The following CDK5RAP2 variants were observed in gnomAD, a reference collection of about 807,000 sequenced individuals.
CDK5RAP2 encodes CDK5 regulatory subunit-associated protein 2.
A neutral mutation model predicts 232.9 loss-of-function variants in CDK5RAP2; 147 were observed. That is an observed-to-expected ratio of 0.63 (90% CI 0.55 to 0.72). The LOEUF (loss-of-function observed/expected upper bound fraction) is 0.72. Among genes scored for constraint, CDK5RAP2 ranks in the 30% least tolerant of loss-of-function variants. The pLI is 0.00. For missense variants in CDK5RAP2, 2,195 were observed against 2,231.5 expected (o/e 0.98, Z 0.33); for synonymous variants, 833 against 833.7 (o/e 1.00, Z 0.01).
At chr9:120,531,251 T>C (rs1423232686) in intron 7 of CDK5RAP2, among the ~76,000 whole-genome samples, 1 of 151,734 alleles carries the variant, frequency 6.6e-6, no homozygotes, top group Admixed American at 6.6e-5. Context: ...TAAAATGCCC[T>C]TCCCCACCCT....
At position 120,403,668 on chromosome 9, in the gene CDK5RAP2, A is replaced by C. The variant is rs185881989; in HGVS notation, c.5041+368T>G. ...GGGACAAAGGGGGTCTAAAAGTCAC[A>C]GTGAGAGGAAAGTGTGGGCCTGTCT... On this transcript the variant is annotated intron_variant, in intron 33 of 37. Coordinates refer to ENST00000349780, the MANE Select transcript of CDK5RAP2 (RefSeq NM_018249.6). The surrounding 1 kb of genome is among the most constrained non-coding windows in gnomAD (Gnocchi z 4.2). 3.4e-5 allele frequency: 12 copies of C among 351,044 alleles called. No individual in the cohort carries two copies. Among genetic ancestry groups the C allele is most frequent in the Non-Finnish European group, 6.5e-5 (12 of 184,882 alleles). 21.7% of individuals were successfully genotyped at this position (351,044 alleles called of 1,614,324 possible). A position where few individuals can be genotyped will look rare whatever the true frequency, so the allele number is the denominator to read the frequency against.
intron 7 of CDK5RAP2, among the ~76,000 whole-genome samples, chr9:120,531,231 T>C (rs1351001941): frequency 1.3e-5 from 2 of 151,936 alleles, no homozygotes; most frequent in Non-Finnish European, 2.9e-5. Flanking sequence ...CTCGTGCTAT[T>C]CCTTCTACCT....
chr9:120,545,753 C>T lies in CDK5RAP2; in HGVS notation c.344G>A (p.Arg115Gln), dbSNP rs772364241. 9 of 1,613,706 alleles carry T rather than the reference C, an allele frequency of 5.6e-6. No homozygotes were observed. The highest frequency in any genetic ancestry group is 5.0e-5 in the Admixed American group (3 of 59,986). ...CAGCTGCTCTCTCTCCTGGAGTTCCCGCTTCAGACTTTCTACTTCCACCTT... is the reference window on the plus strand; with the variant it reads ...CAGCTGCTCTCTCTCCTGGAGTTCCTGCTTCAGACTTTCTACTTCCACCTT... The part of the protein sequence containing the change: ...ELKVEVESLK[R>Q]ELQEREQLLI... Residue 115 changes from arginine (R) to glutamine (Q), a missense_variant, in exon 5 of 38, where the codon CGG becomes CAG. Arg to Gln is a conservative substitution (Grantham distance 43). Coordinates refer to ENST00000349780, the MANE Select transcript of CDK5RAP2 (RefSeq NM_018249.6).
At chr9:120,573,689 G>C (rs2042934797) in intron 1 of CDK5RAP2, among the ~76,000 whole-genome samples, 1 of 152,124 alleles carries the variant, frequency 6.6e-6, no homozygotes, top group Admixed American at 6.6e-5. Flanking sequence ...TTTGGAAATA[G>C]GTGGGCTACA....
In CDK5RAP2 at chr9:120,402,957, C is replaced by A. The variant is rs1306944586; in HGVS notation, c.5156G>T (p.Trp1719Leu). The A allele has an allele frequency of 6.2e-7, 1 of 1,614,060 alleles. No individual in the cohort carries two copies. The highest frequency in any genetic ancestry group is 8.5e-7 in the Non-Finnish European group (1 of 1,180,030). ...VSRLVTGHHL[W>L]ASKNGRHVLG... ...GACATGGCGGCCATTCTTGCTGGCC[C>A]ACAGGTGGTGGCCAGTGACCAGGCG... The change falls in exon 34 of 38, where the codon TGG becomes TTG. Residue 1719 changes from tryptophan to leucine, a missense_variant. Transcript: ENST00000349780.
chr9:120,453,901 G>C (rs572821353), intron 20 of CDK5RAP2, 28 bp from the exon 21 acceptor site: 1 of 1,612,384 alleles, frequency 6.2e-7, no homozygotes, highest in Non-Finnish European at 8.5e-7. Flanking sequence ...AAGGAAGTGG[G>C]AGAACCAAGC....
At chr9:120,416,689 G>A (rs1003100761) in intron 27 of CDK5RAP2, among the ~76,000 whole-genome samples, 9 of 152,110 alleles carry the variant, frequency 5.9e-5, no homozygotes, top group Non-Finnish European at 1.3e-4. Flanking sequence ...TCCAATCCAG[G>A]GGTAGGTTTC....
chr9:120,428,582 C>G (rs966150089), intron 25 of CDK5RAP2, among the ~76,000 whole-genome samples: 3 of 152,104 alleles, frequency 2.0e-5, no homozygotes, highest in African/African-American at 7.2e-5. Flanking sequence ...CTGAATAGAC[C>G]AATAACAGGA....
At position 120,460,561 on chromosome 9, in the gene CDK5RAP2, A is replaced by C; in HGVS notation, c.2202+11T>G. 6.2e-7 allele frequency: 1 copy of C among 1,612,994 alleles called. No homozygotes were observed. The highest frequency in any genetic ancestry group is 8.5e-7 in the Non-Finnish European group (1 of 1,179,006). ...GTAGATGAAATAAGGAGTTAACTGA[A>C]AGGTTCCTACCTCATTACTCTGCTG... On this transcript the variant is annotated intron_variant, in intron 19 of 37. Coordinates refer to ENST00000349780, the MANE Select transcript of CDK5RAP2 (RefSeq NM_018249.6).
intron 21 of CDK5RAP2, among the ~76,000 whole-genome samples, chr9:120,449,488 T>C (rs1339046909): frequency 6.6e-6 from 1 of 152,204 alleles, no homozygotes; most frequent in South Asian, 2.1e-4. Context: ...ATACTCTCTG[T>C]ATAGCTTCTA....
At chr9:120,433,254 G>A (rs1211433011) in intron 25 of CDK5RAP2, among the ~76,000 whole-genome samples, 1 of 152,148 alleles carries the variant, frequency 6.6e-6, no homozygotes, top group Non-Finnish European at 1.5e-5. Flanking sequence ...AGTCAGTTGT[G>A]ACTTTGAACA....
rs1052699135 is a variant in CDK5RAP2, at chr9:120,408,432, G to C, written c.4641C>G (p.Leu1547=). 1.2e-6 allele frequency: 2 copies of C among 1,613,976 alleles called. No individual in the cohort carries two copies. The highest frequency in any genetic ancestry group is 1.7e-6 in the Non-Finnish European group (2 of 1,179,978). Reference sequence around the variant, plus strand: ...ACTGCAATAGCTTGTCATTCTGTGAGAGCAGCTGCTGCCTCAACTTCACCT... The same window carrying C: ...ACTGCAATAGCTTGTCATTCTGTGACAGCAGCTGCTGCCTCAACTTCACCT... The part of the protein sequence containing the change: ...QEEVKLRQQL[L]SQNDKLLQSL... The change falls in exon 31 of 38, where the codon CTC becomes CTG. Residue 1547 remains leucine, a synonymous_variant. Transcript: ENST00000349780.
intron 25 of CDK5RAP2, among the ~76,000 whole-genome samples, chr9:120,436,931 A>C (rs563301948): frequency 3.0e-4 from 45 of 152,062 alleles, no homozygotes; most frequent in Non-Finnish European, 5.4e-4. Flanking sequence ...AGTTTTCACA[A>C]AAAAAAATAA....
At chr9:120,567,022 T>C (rs1424738752) in intron 3 of CDK5RAP2, among the ~76,000 whole-genome samples, 1 of 152,152 alleles carries the variant, frequency 6.6e-6, no homozygotes, top group Non-Finnish European at 1.5e-5. Flanking sequence ...TAAAGTAACA[T>C]ATACAAAGAG....
At chr9:120,500,437 G>C (rs1183064514) in intron 12 of CDK5RAP2, among the ~76,000 whole-genome samples, 1 of 152,190 alleles carries the variant, frequency 6.6e-6, no homozygotes, top group Admixed American at 6.5e-5. Flanking sequence ...CACCAAGTGG[G>C]AGTTTTTTGT....
intron 29 of CDK5RAP2, among the ~76,000 whole-genome samples, chr9:120,410,009 C>A (rs1441866371): frequency 6.6e-6 from 1 of 152,170 alleles, no homozygotes; most frequent in Non-Finnish European, 1.5e-5. Context: ...GAGTTCCCAG[C>A]AGTGCTGGTG....
intron 32 of CDK5RAP2, chr9:120,406,612 A>G (rs55886121): frequency 0.028 from 5,942 of 215,814 alleles, 108 homozygotes; most frequent in East Asian, 0.052. Flanking sequence ...TAAACCTATC[A>G]GGATGATTTT....
chr9:120,525,615 T>C (rs549111398), intron 10 of CDK5RAP2, among the ~76,000 whole-genome samples: 2 of 151,838 alleles, frequency 1.3e-5, no homozygotes, highest in African/African-American at 4.8e-5. Flanking sequence ...TGATACAATG[T>C]TGACTTTTTT....
At chr9:120,406,126 C>T (rs1281704752) in intron 32 of CDK5RAP2, 2 of 152,076 alleles carry the variant, frequency 1.3e-5, no homozygotes, top group Non-Finnish European at 2.9e-5. Context: ...ACCAGGTGCT[C>T]CTTAAGAGAT....
Sources: gnomAD v4.1 joint callset for allele counts (sites outside exome capture counted in the v4.1 genomes callset) on GRCh38, gnomAD v4.1.1 for gene constraint, Gnocchi (gnomAD v3.1) non-coding constraint, MANE v1.5 for transcripts, NCBI Gene and HGNC (gene_info 2026-07-23, HGNC 2026-07-21) for gene names.